The following HP1BP3 variants were observed in gnomAD, a reference collection of about 807,000 sequenced individuals.
HP1BP3 encodes heterochromatin protein 1-binding protein 3.
In HP1BP3, 12 loss-of-function variants were observed where a neutral mutation model predicts 62.5. The observed-to-expected ratio is 0.19, with a 90% CI of 0.12 to 0.31. The LOEUF (loss-of-function observed/expected upper bound fraction) is 0.31, where lower values mean the gene tolerates loss of function less well. Ranked by LOEUF, HP1BP3 falls within the 10% of genes least tolerant of loss-of-function variation. The pLI, the probability that HP1BP3 is intolerant of heterozygous loss-of-function variation, is 1.00. For missense variants in HP1BP3, 502 were observed against 651.8 expected, an observed-to-expected ratio of 0.77 and a Z score of 2.50; for synonymous variants, 260 against 237.8, an observed-to-expected ratio of 1.09 and a Z score of -0.86.
intron 9 of HP1BP3, among the ~76,000 whole-genome samples, chr1:20,753,222 A>G (rs995635973): frequency 1.3e-5 from 2 of 152,182 alleles, no homozygotes; most frequent in Admixed American, 6.5e-5. Context: ...GATTACAGGC[A>G]TGAGCCACCG....
Position 20,745,534 on chromosome 1 carries a change from T to C in HP1BP3, c.1367+9A>G. ...GTCCTCCCCACAAGGGGTTTTCACA[T>C]GTCCACACCTTCTCTTAGGTGGCGG... On this transcript the variant is annotated intron_variant, in intron 12 of 12. Transcript: ENST00000438032. 1 of 1,613,732 alleles carries C rather than the reference T, an allele frequency of 6.2e-7. No homozygotes were observed. Among genetic ancestry groups the C allele is most frequent in the Non-Finnish European group, 8.5e-7 (1 of 1,179,806 alleles).
At chr1:20,777,406 C>A (rs1295993703) in intron 3 of HP1BP3, among the ~76,000 whole-genome samples, 1 of 151,940 alleles carries the variant, frequency 6.6e-6, no homozygotes, top group East Asian at 1.9e-4. Context: ...CTAATTATTG[C>A]AATAATGACG....
At chr1:20,785,357 T>C (rs2057773872) in intron 1 of HP1BP3, among the ~76,000 whole-genome samples, 1 of 152,260 alleles carries the variant, frequency 6.6e-6, no homozygotes, top group Non-Finnish European at 1.5e-5. Flanking sequence ...ACTGATATCC[T>C]TGATAATATG....
intron 3 of HP1BP3, among the ~76,000 whole-genome samples, chr1:20,777,769 T>C (rs2057369884): frequency 6.6e-6 from 1 of 152,200 alleles, no homozygotes; most frequent in South Asian, 2.1e-4. Flanking sequence ...TAAAGAGAAT[T>C]TTAAAATGCC....
chr1:20,768,642 C>T (rs1190984448), intron 6 of HP1BP3, among the ~76,000 whole-genome samples: 3 of 152,172 alleles, frequency 2.0e-5, no homozygotes, highest in South Asian at 2.1e-4. Context: ...GAGTTTGAAA[C>T]CAGCCTGGCC....
chr1:20,747,128 T>C (rs1286619755), intron 11 of HP1BP3, among the ~76,000 whole-genome samples: 3 of 152,250 alleles, frequency 2.0e-5, no homozygotes, highest in Non-Finnish European at 2.9e-5. Flanking sequence ...AATAATCTTA[T>C]GCCTGGCTAA....
intron 3 of HP1BP3, among the ~76,000 whole-genome samples, chr1:20,778,001 A>G (rs759699455): frequency 6.6e-5 from 10 of 152,216 alleles, no homozygotes; most frequent in African/African-American, 9.6e-5. Context: ...TCATCATGAT[A>G]TATCTTTTAC....
chr1:20,779,702 C>CT, intron 3 of HP1BP3, 110 bp downstream of exon 3: 1 of 629,920 alleles, frequency 1.6e-6, no homozygotes, highest in Non-Finnish European at 2.6e-6. Flanking sequence ...CCCCAAAACA[C>CT]TTAGCCATGA....
At chr1:20,772,154 C>T (rs1013858947) in intron 5 of HP1BP3, among the ~76,000 whole-genome samples, 34 of 152,242 alleles carry the variant, frequency 2.2e-4, no homozygotes, top group African/African-American at 7.7e-4. Context: ...TCCACCAATC[C>T]GACAGTGAGA....
intron 10 of HP1BP3, among the ~76,000 whole-genome samples, chr1:20,748,627 G>A (rs1190338026): frequency 6.6e-6 from 1 of 152,110 alleles, no homozygotes; most frequent in Non-Finnish European, 1.5e-5. Flanking sequence ...AGGGGTGGTG[G>A]CAGGTGCCTG....
Position 20,765,420 on chromosome 1 carries a change from T to C in HP1BP3, c.847A>G (p.Lys283Glu). Reference protein sequence around the residue: ...PKEASYSLIRKYVSQYYPKLR... With the variant: ...PKEASYSLIREYVSQYYPKLR... ...TTAGGATAATACTGAGACACATATT[T>C]CCTGATGAGACTGTAGGAAGCTTCT... is the stretch of plus-strand genomic sequence containing the variant. Residue 283 changes from lysine to glutamate, a missense_variant, in exon 8 of 13, where the codon AAA (lysine) becomes GAA (glutamate). Around this residue, in one of 5 missense-constraint regions of HP1BP3, gnomAD observed 111 missense variants for 242.0 expected, o/e 0.46. Transcript: ENST00000438032. 1.9e-6 allele frequency: 3 copies of C among 1,613,394 alleles called. No homozygotes were observed. The highest frequency in any genetic ancestry group is 2.5e-6 in the Non-Finnish European group (3 of 1,179,596).
In HP1BP3 at chr1:20,773,482, T is replaced by C; in HGVS notation, c.479A>G (p.Lys160Arg). ...GGCCTCAGTTAAGATTGCATCCATC[T>C]TGGGACGTGGGGAAGAAGCCATCGG... Reference protein sequence around the residue: ...QTPMASSPRPKMDAILTEAIK... With the variant: ...QTPMASSPRPRMDAILTEAIK... Residue 160 changes from lysine to arginine, a missense_variant, in exon 5 of 13, where the codon AAG becomes AGG. Transcript: ENST00000438032. 1 of 1,613,226 alleles carries C rather than the reference T, an allele frequency of 6.2e-7. No individual in the cohort carries two copies.
chr1:20,776,021 A>T, intron 4 of HP1BP3: 1 of 1,497,604 alleles, frequency 6.7e-7, no homozygotes, highest in Non-Finnish European at 8.9e-7. Context: ...AAAAAAAAAA[A>T]AAAAAAATTA....
chr1:20,784,636 C>G (rs2057735259), intron 1 of HP1BP3, among the ~76,000 whole-genome samples: 1 of 152,030 alleles, frequency 6.6e-6, no homozygotes, highest in African/African-American at 2.4e-5. Context: ...GCCACGACAC[C>G]CAGCTAATTT....
intron 3 of HP1BP3, among the ~76,000 whole-genome samples, chr1:20,778,799 T>G (rs1172154228): frequency 6.6e-6 from 1 of 151,840 alleles, no homozygotes; most frequent in African/African-American, 2.4e-5. Context: ...TTTTTTTTTT[T>G]CTTTTTTTTG....
chr1:20,783,334 C>T (rs1410449436), intron 1 of HP1BP3, among the ~76,000 whole-genome samples: 3 of 152,022 alleles, frequency 2.0e-5, no homozygotes, highest in Non-Finnish European at 4.4e-5. Context: ...GCCTGGCCAA[C>T]ATGGTGAAAC....
rs2055056691 is a variant in HP1BP3, at chr1:20,740,653, T to G, written c.*4144A>C. On this transcript the variant is annotated 3_prime_UTR_variant, in exon 13 of 13. Coordinates refer to ENST00000438032, the MANE Select transcript of HP1BP3 (RefSeq NM_001372052.1). ...CTGGGCAACACAGTGAGGCCCCATC[T>G]CTAGAAAAGATAAATTAGCCAGGCA... Among the ~76,000 whole-genome samples the G allele has an allele frequency of 6.6e-6, 1 of 152,126 alleles. No individual in the cohort carries two copies. Among genetic ancestry groups the G allele is most frequent in the African/African-American group, 2.4e-5 (1 of 41,434 alleles).
At chr1:20,745,114 G>C in intron 12 of HP1BP3, 23 bp from the exon 13 acceptor site, 1 of 1,585,880 alleles carries the variant, frequency 6.3e-7, no homozygotes, top group South Asian at 1.2e-5. Context: ...AAGAGCAAAG[G>C]CCGTCATTTA....
intron 9 of HP1BP3, among the ~76,000 whole-genome samples, chr1:20,755,193 C>G (rs1418996044): frequency 6.6e-6 from 1 of 152,094 alleles, no homozygotes; most frequent in Non-Finnish European, 1.5e-5. Flanking sequence ...AAATGCCAAT[C>G]AAAACTACAA....
Sources: allele counts gnomAD v4.1 joint callset (sites outside exome capture counted in the v4.1 genomes callset), GRCh38; gene constraint gnomAD v4.1.1; regional missense constraint gnomAD v4.1.1; transcripts MANE v1.5; gene names NCBI Gene and HGNC (gene_info 2026-07-23, HGNC 2026-07-21).